FER1L6: variants seen among roughly 807,000 people sequenced by gnomAD.
FER1L6 encodes the protein fer-1 like family member 6.
Under a neutral mutation model 219.2 loss-of-function variants are expected in FER1L6, and 177 were observed. The ratio of observed to expected loss-of-function variants is 0.81; its 90% CI spans 0.71 to 0.91. The LOEUF (loss-of-function observed/expected upper bound fraction) is 0.91, where lower values mean the gene tolerates loss of function less well. Ranked by LOEUF, FER1L6 falls within the 40% of genes least tolerant of loss-of-function variation. FER1L6 has a pLI of 0.00. For missense variants in FER1L6, 2,153 were observed against 2,259.9 expected (o/e 0.95, Z 0.96); for synonymous variants, 768 against 824.3 (o/e 0.93, Z 1.17).
At chr8:123,912,797 G>A (rs763900243) in intron 1 of FER1L6, among the ~76,000 whole-genome samples, 4 of 152,176 alleles carry the variant, frequency 2.6e-5, no homozygotes, top group African/African-American at 9.7e-5. Context: ...AATGCTATGG[G>A]AATCCAAAGG....
intron 1 of FER1L6, among the ~76,000 whole-genome samples, chr8:123,878,532 G>A (rs1003402858): frequency 6.6e-6 from 1 of 152,186 alleles, no homozygotes; most frequent in African/African-American, 2.4e-5. Flanking sequence ...GGAGGTAGAA[G>A]TCATATCTCA....
chr8:123,898,850 C>CAT (rs1563677735), intron 1 of FER1L6, among the ~76,000 whole-genome samples: 7 of 67,294 alleles, frequency 1.0e-4, no homozygotes, highest in African/African-American at 2.9e-4. Context: ...TACATATATA[C>CAT]ACACACACAC....
intron 13 of FER1L6, among the ~76,000 whole-genome samples, chr8:124,005,755 A>C (rs1817628557): frequency 6.6e-6 from 1 of 152,218 alleles, no homozygotes; most frequent in African/African-American, 2.4e-5. Context: ...ATGGGAACAG[A>C]GTCAGGTGAG....
intron 1 of FER1L6, among the ~76,000 whole-genome samples, chr8:123,923,941 GAAA>G (rs60137127): frequency 0.059 from 5,633 of 94,730 alleles, 376 homozygotes; most frequent in African/African-American, 0.19. Context: ...CTCCAACTAA[GAAA>G]AAAAAAAAAA....
chr8:123,990,536 A>T (rs1467632900), intron 12 of FER1L6, among the ~76,000 whole-genome samples: 2 of 152,046 alleles, frequency 1.3e-5, no homozygotes, highest in Non-Finnish European at 2.9e-5. Context: ...CTTTTGAGAA[A>T]TGTCTATTTA....
Position 123,853,751 on chromosome 8 carries a change from T to C in FER1L6, c.-8+1566T>C, listed in dbSNP as rs1309243551. On this transcript the variant is annotated intron_variant, in intron 1 of 40. Coordinates refer to ENST00000522917, the MANE Select transcript of FER1L6 (RefSeq NM_001039112.2). The surrounding 1 kb of genome is among the most constrained non-coding windows in gnomAD (Gnocchi z 6.6). ...CTGGAGGAGGAAAAGGCCAGAAAGC[T>C]GCAGACAACCCAACAGTGTCAAGCA... is the stretch of plus-strand genomic sequence containing the variant. 2.6e-5 allele frequency among the ~76,000 whole-genome samples: 4 copies of C among 152,222 alleles called. No individual in the cohort carries two copies. Among genetic ancestry groups the C allele is most frequent in the South Asian group, 4.1e-4 (2 of 4,836 alleles).
intron 28 of FER1L6, among the ~76,000 whole-genome samples, chr8:124,068,504 C>T (rs999840412): frequency 2.0e-5 from 3 of 152,228 alleles, no homozygotes; most frequent in Admixed American, 6.5e-5. Flanking sequence ...GGTTTCTCCC[C>T]TGCAGAGCCT....
At chr8:123,947,626 A>G (rs1161802997) in intron 1 of FER1L6, among the ~76,000 whole-genome samples, 2 of 152,226 alleles carry the variant, frequency 1.3e-5, no homozygotes, top group Admixed American at 6.5e-5. Context: ...GCTGTGTGCC[A>G]GGCATGGTGT....
intron 1 of FER1L6, among the ~76,000 whole-genome samples, chr8:123,899,491 T>C (rs1812820834): frequency 4.6e-5 from 7 of 152,240 alleles, no homozygotes; most frequent in Admixed American, 3.3e-4. Flanking sequence ...CTGTTCCTTT[T>C]GCCATGCAAA....
rs539045791 is a variant in FER1L6, at chr8:124,091,625, T to G, written c.4552+42T>G. ...TATCCTGCTGGTGTTGCTCTTCTTTTGAAAATCCTGATTCTAGTGATATTT... is the reference window on the plus strand; with the variant it reads ...TATCCTGCTGGTGTTGCTCTTCTTTGGAAAATCCTGATTCTAGTGATATTT... On this transcript the variant is annotated intron_variant, in intron 34 of 40. Coordinates refer to ENST00000522917, the MANE Select transcript of FER1L6 (RefSeq NM_001039112.2). 18 of 1,589,262 alleles carry G rather than the reference T, an allele frequency of 1.1e-5. No individual in the cohort carries two copies. In the African/African-American group the frequency reaches 2.4e-4, roughly 21 times the overall value.
At chr8:123,871,267 G>A (rs1335604154) in intron 1 of FER1L6, among the ~76,000 whole-genome samples, 1 of 152,058 alleles carries the variant, frequency 6.6e-6, no homozygotes, top group African/African-American at 2.4e-5. Flanking sequence ...AGCTGAAAGG[G>A]CCCTGAAACA....
At chr8:123,923,154 ACTC>A (rs1205469041) in intron 1 of FER1L6, among the ~76,000 whole-genome samples, 10 of 152,110 alleles carry the variant, frequency 6.6e-5, no homozygotes, top group African/African-American at 2.4e-4. Context: ...TTTTGCACCA[ACTC>A]CTCCAAGGGT....
rs1318873000 is a variant in FER1L6, at chr8:123,977,594, C to A, written c.1048C>A (p.Gln350Lys). 3.1e-6 allele frequency: 5 copies of A among 1,613,924 alleles called. No individual in the cohort carries two copies. The highest frequency in any genetic ancestry group is 4.2e-6 in the Non-Finnish European group (5 of 1,179,906). ...FIDLKKISNE[Q>K]DGDKGFLPTF... ...TGACCTGAAGAAAATCTCCAACGAA[C>A]AGGATGGAGACAAAGGTAAAGTCCC... The change falls in exon 10 of 41, where the codon CAG becomes AAG. Residue 350 changes from glutamine (Q) to lysine (K), a missense_variant. By Grantham distance (53) the Gln-to-Lys change is moderately conservative (BLOSUM62 1). Transcript: ENST00000522917.
In FER1L6 at chr8:124,049,699, C is replaced by T; in HGVS notation, c.2817C>T (p.Pro939=). 1 of 1,614,068 alleles carries T rather than the reference C, an allele frequency of 6.2e-7. No individual in the cohort carries two copies. The highest frequency in any genetic ancestry group is 1.1e-5 in the South Asian group (1 of 91,074). Residue 939 remains proline, a synonymous_variant, in exon 22 of 41, where the codon CCC becomes CCT. Coordinates refer to ENST00000522917, the MANE Select transcript of FER1L6 (RefSeq NM_001039112.2). The stretch of plus-strand genomic sequence containing the variant: ...AGCCCCCCAGGTTATGCTATCACCC[C>T]ATCTTTTGTGGGAATCTCTCTGGAG... The part of the protein sequence containing the change: ...DYEPPRLCYH[P]IFCGNLSGGD...
chr8:123,911,944 C>T (rs1053979744), intron 1 of FER1L6, among the ~76,000 whole-genome samples: 10 of 152,194 alleles, frequency 6.6e-5, no homozygotes, highest in African/African-American at 2.2e-4. Context: ...AGTCTGCTAT[C>T]ATAGCACACC....
chr8:123,919,701 A>G (rs1309334723), intron 1 of FER1L6, among the ~76,000 whole-genome samples: 3 of 152,168 alleles, frequency 2.0e-5, no homozygotes, highest in Non-Finnish European at 2.9e-5. Context: ...CTTTCTCATG[A>G]TCTGTCATGG....
chr8:123,872,545 T>G (rs972039880), intron 1 of FER1L6, among the ~76,000 whole-genome samples: 3 of 152,148 alleles, frequency 2.0e-5, no homozygotes, highest in Admixed American at 6.6e-5. Flanking sequence ...TGAATAAATT[T>G]TATAATACAA....
intron 1 of FER1L6, among the ~76,000 whole-genome samples, chr8:123,920,964 C>T (rs916283826): frequency 6.6e-6 from 1 of 152,136 alleles, no homozygotes; most frequent in Non-Finnish European, 1.5e-5. Context: ...TCTTTTCGTG[C>T]CTAACTTATT....
intron 6 of FER1L6, among the ~76,000 whole-genome samples, chr8:123,972,294 A>T (rs1285737326): frequency 6.6e-6 from 1 of 152,252 alleles, no homozygotes; most frequent in East Asian, 1.9e-4. Flanking sequence ...AGCTGTTTAG[A>T]AGCTGCAAAA....
Sources: allele counts gnomAD v4.1 joint callset (sites outside exome capture counted in the v4.1 genomes callset), GRCh38; gene constraint gnomAD v4.1.1; non-coding constraint Gnocchi (gnomAD v3.1); transcripts MANE v1.5; gene names NCBI Gene and HGNC (gene_info 2026-07-23, HGNC 2026-07-21).